PPEF1: variants seen among roughly 807,000 people sequenced by gnomAD.
PPEF1 encodes serine/threonine-protein phosphatase with EF-hands 1.
A neutral mutation model predicts 53.3 loss-of-function variants in PPEF1; 12 were observed. The ratio of observed to expected loss-of-function variants is 0.23; its 90% CI spans 0.14 to 0.36. The LOEUF is 0.36. PPEF1 is among the 10% of genes least tolerant of loss of function. PPEF1 has a pLI of 1.00. For synonymous variants in PPEF1, 165 were observed against 176.7 expected, an observed-to-expected ratio of 0.93 and a Z score of 0.52; for missense variants, 334 against 490.4, an observed-to-expected ratio of 0.68 and a Z score of 3.01.
At chrX:18,825,908 T>G in intron 15 of PPEF1, 73 bp downstream of exon 15, 1 of 727,801 alleles carries the variant, frequency 1.4e-6, no homozygotes, top group Non-Finnish European at 2.0e-6. Context: ...ACAAAATGAG[T>G]ACACTTTGAT....
At chrX:18,822,572 G>C (rs914515555) in intron 13 of PPEF1, among the ~76,000 whole-genome samples, 5 of 108,837 alleles carry the variant, frequency 4.6e-5, no homozygotes, top group Non-Finnish European at 7.6e-5. Flanking sequence ...GCAGTGGCAC[G>C]ATCTTGGTTC....
chrX:18,825,734 G>A lies in PPEF1; in HGVS notation c.1666-17G>A, dbSNP rs1197100879. 8 of 1,130,722 alleles carry A rather than the reference G, an allele frequency of 7.1e-6. No homozygotes were observed. Among genetic ancestry groups the A allele is most frequent in the Admixed American group, 2.6e-5 (1 of 38,033 alleles). 93.2% of individuals were successfully genotyped at this position (1,130,722 alleles called of 1,213,427 possible). A position where few individuals can be genotyped will look rare whatever the true frequency, so the allele number is the denominator to read the frequency against. On this transcript the variant is annotated splice_polypyrimidine_tract_variant and intron_variant, in intron 14 of 15. Coordinates refer to ENST00000470157, the MANE Select transcript of PPEF1 (RefSeq NM_001377996.1). ...TGAATTCAATATGTTCTAACACTTA[G>A]AAAATCTTTATTTTAGGCTCATTCT...
At chrX:18,764,168 G>A (rs1036129422) in intron 6 of PPEF1, among the ~76,000 whole-genome samples, 1 of 111,306 alleles carries the variant, frequency 9.0e-6, no homozygotes, top group African/African-American at 3.3e-5. Context: ...GATGCCCTGG[G>A]GTGGAGCCTA....
chrX:18,786,419 C>T (rs895983348), intron 9 of PPEF1, among the ~76,000 whole-genome samples: 1 of 111,356 alleles, frequency 9.0e-6, no homozygotes, highest in Non-Finnish European at 1.9e-5. Flanking sequence ...GGTTTCCACA[C>T]GTATAAACTG....
At chrX:18,699,525 CTG>C (rs1016274845) in intron 5 of PPEF1, among the ~76,000 whole-genome samples, 4 of 112,166 alleles carry the variant, frequency 3.6e-5, no homozygotes, top group Non-Finnish European at 5.6e-5. Flanking sequence ...GTATAAGACT[CTG>C]TGAACAAGAA....
In PPEF1 at chrX:18,823,851, C is replaced by T; in HGVS notation, c.1502-72C>T. 4.5e-6 allele frequency: 5 copies of T among 1,112,600 alleles called. No individual in the cohort carries two copies. The South Asian group carries it at 1.0e-4, about 23-fold the overall frequency. The allele number at this position is 1,112,600 out of a possible 1,213,427, so 91.7% of individuals were successfully genotyped here. The stretch of plus-strand genomic sequence containing the variant: ...CAGCTGGCCCCATGCTGCCCTGGCT[C>T]TCCCAAGGAGGTTGCATTCTTTAAA... On this transcript the variant is annotated intron_variant, in intron 13 of 15. Coordinates refer to ENST00000470157, the MANE Select transcript of PPEF1 (RefSeq NM_001377996.1).
chrX:18,688,836 G>A (rs1929204130), intron 3 of PPEF1: 1 of 111,494 alleles, frequency 9.0e-6, no homozygotes, highest in South Asian at 3.7e-4. Flanking sequence ...GGGAGGAGGG[G>A]CGTGGCTTCC....
chrX:18,770,322 G>A (rs777313585), intron 6 of PPEF1, among the ~76,000 whole-genome samples: 1 of 111,414 alleles, frequency 9.0e-6, no homozygotes, highest in South Asian at 3.8e-4. Context: ...ACTATATAAA[G>A]TAATACGACT....
rs2047196235 is a variant in PPEF1 at position 18,827,852 on chromosome X, T to A, written c.*365T>A. 7.3e-6 allele frequency: 1 copy of A among 137,159 alleles called. No individual in the cohort carries two copies. Among genetic ancestry groups the A allele is most frequent in the African/African-American group, 3.2e-5 (1 of 31,653 alleles). 11.3% of individuals were successfully genotyped at this position (137,159 alleles called of 1,213,427 possible). On this transcript the variant is annotated 3_prime_UTR_variant, in exon 16 of 16. Transcript: ENST00000470157. ...AGAAAACTACTAAGCTTGACATCTG[T>A]GAGTGACTGAGGGAGACAGGAGGAA...
chrX:18,779,240 T>G lies in PPEF1; in HGVS notation c.725+64T>G. The G allele has an allele frequency of 5.0e-6, 5 of 1,010,095 alleles. No individual in the cohort carries two copies. The South Asian group carries it at 9.4e-5, about 19-fold the overall frequency. The allele number at this position is 1,010,095 out of a possible 1,213,427, so 83.2% of individuals were successfully genotyped here. A position where few individuals can be genotyped will look rare whatever the true frequency, so the allele number is the denominator to read the frequency against. On this transcript the variant is annotated intron_variant, in intron 7 of 15. Coordinates refer to ENST00000470157, the MANE Select transcript of PPEF1 (RefSeq NM_001377996.1). ...GCACTCTGGAAAATGCTGCCATATTTAATTCCTAATAGAGATAGAAGTGAG... is the reference window on the plus strand; with the variant it reads ...GCACTCTGGAAAATGCTGCCATATTGAATTCCTAATAGAGATAGAAGTGAG...
chrX:18,806,482 C>T lies in PPEF1; in HGVS notation c.1331C>T (p.Thr444Ile). 1 of 1,208,531 alleles carries T rather than the reference C, an allele frequency of 8.3e-7. No individual in the cohort carries two copies. The highest frequency in any genetic ancestry group is 1.8e-5 in the South Asian group (1 of 56,746). ...RGAYIKLCSG[T>I]TPRFFQYQVT... ...GCTTACATCAAACTATGTTCTGGTACAACTCCTCGATTTTTCCAGTACCAA... is the reference window on the plus strand; with the variant it reads ...GCTTACATCAAACTATGTTCTGGTATAACTCCTCGATTTTTCCAGTACCAA... The change falls in exon 12 of 16, where the codon ACA becomes ATA. Residue 444 changes from threonine (T) to isoleucine (I), a missense_variant. Physicochemically the swap from Thr to Ile is moderately conservative, Grantham distance 89. Transcript: ENST00000470157.
intron 1 of PPEF1, among the ~76,000 whole-genome samples, chrX:18,677,302 G>A (rs1170578488): frequency 8.9e-6 from 1 of 112,292 alleles, no homozygotes; most frequent in Non-Finnish European, 1.9e-5. Context: ...GCCTCCTGAA[G>A]TGTTGGGATT....
chrX:18,757,616 C>G lies in PPEF1; in HGVS notation c.397-11C>G, dbSNP rs773798588. 8 of 1,154,990 alleles carry G rather than the reference C, an allele frequency of 6.9e-6. No individual in the cohort carries two copies. In the East Asian group the frequency reaches 2.4e-4, roughly 34 times the overall value. On this transcript the variant is annotated splice_polypyrimidine_tract_variant and intron_variant, in intron 4 of 15. Transcript: ENST00000470157. Reference sequence around the variant, plus strand: ...TTCATTACATCTATTTCCTCTGCTTCCCGCTCACAGATACTTCATGCCCAT... The same window carrying G: ...TTCATTACATCTATTTCCTCTGCTTGCCGCTCACAGATACTTCATGCCCAT...
rs1246976516 is a variant in PPEF1 at position 18,818,024 on chromosome X, T to C, written c.1395-15T>C. 1.8e-6 allele frequency: 2 copies of C among 1,084,599 alleles called. No homozygotes were observed. The highest frequency in any genetic ancestry group is 3.1e-5 in the East Asian group (1 of 31,914). The allele number at this position is 1,084,599 out of a possible 1,213,427, so 89.4% of individuals were successfully genotyped here. Reference sequence around the variant, plus strand: ...GATTTATGTTACTTTTACCTAATTATTGTTTTCTTTGCAGAGTGGATACTA... The same window carrying C: ...GATTTATGTTACTTTTACCTAATTACTGTTTTCTTTGCAGAGTGGATACTA... On this transcript the variant is annotated splice_polypyrimidine_tract_variant and intron_variant, in intron 12 of 15. Coordinates refer to ENST00000470157, the MANE Select transcript of PPEF1 (RefSeq NM_001377996.1).
intron 9 of PPEF1, among the ~76,000 whole-genome samples, chrX:18,784,372 T>C: frequency 8.9e-6 from 1 of 111,942 alleles, no homozygotes; most frequent in South Asian, 3.7e-4. Flanking sequence ...CATTCATTTA[T>C]ATTGTGGTAA....
intron 1 of PPEF1, among the ~76,000 whole-genome samples, chrX:18,711,610 A>G (rs763763727): frequency 9.0e-6 from 1 of 111,289 alleles, no homozygotes; most frequent in Non-Finnish European, 1.9e-5. Context: ...TGTTTGTTGA[A>G]AAGATTGTTC....
At chrX:18,711,974 G>A (rs2044340873) in intron 1 of PPEF1, among the ~76,000 whole-genome samples, 1 of 111,209 alleles carries the variant, frequency 9.0e-6, no homozygotes, top group South Asian at 3.8e-4. Flanking sequence ...AGGCTGGTCT[G>A]AACTCCTGAC....
At chrX:18,690,978 A>G (rs1446766697) in intron 3 of PPEF1, 2 of 111,877 alleles carry the variant, frequency 1.8e-5, no homozygotes, top group African/African-American at 6.5e-5. Context: ...CTGTGTGATG[A>G]TAGATTGTGT....
exon 2 of PPEF1, among the ~76,000 whole-genome samples, chrX:18,684,734 C>G (rs1300386294): frequency 9.1e-6 from 1 of 110,269 alleles, no homozygotes; most frequent in East Asian, 2.8e-4. Context: ...TCAAGCGATT[C>G]TCCTGCCTCA....
Sources: gnomAD v4.1 joint callset for allele counts (sites outside exome capture counted in the v4.1 genomes callset) on GRCh38, gnomAD v4.1.1 for gene constraint, MANE v1.5 for transcripts, NCBI Gene and HGNC (gene_info 2026-07-23, HGNC 2026-07-21) for gene names.